MTUS2: variants seen among roughly 807,000 people sequenced by gnomAD.
MTUS2 encodes the protein microtubule-associated tumor suppressor candidate 2.
A neutral mutation model predicts 114.1 loss-of-function variants in MTUS2; 40 were observed. That is an observed-to-expected ratio of 0.35 (90% CI 0.27 to 0.46). The LOEUF (loss-of-function observed/expected upper bound fraction) is 0.46. MTUS2 is among the 20% of genes least tolerant of loss of function. The pLI is 1.00. For missense variants in MTUS2, 1,679 were observed against 1,705.4 expected (o/e 0.98, Z 0.27); for synonymous variants, 688 against 672.0 (o/e 1.02, Z -0.37).
chr13:29,104,336 T>C (rs1355394105), intron 5 of MTUS2, among the ~76,000 whole-genome samples: 1 of 152,206 alleles, frequency 6.6e-6, no homozygotes, highest in African/African-American at 2.4e-5. Flanking sequence ...CCTGGGCTGG[T>C]GTTCTTTCTA....
chr13:29,061,632 G>T (rs944884724), intron 4 of MTUS2, among the ~76,000 whole-genome samples: 21 of 152,240 alleles, frequency 1.4e-4, no homozygotes, highest in Admixed American at 9.8e-4. Flanking sequence ...ATGATGGACA[G>T]CTTCTATTTG....
chr13:29,339,396 G>T (rs185611569), intron 7 of MTUS2, among the ~76,000 whole-genome samples: 64 of 152,280 alleles, frequency 4.2e-4, no homozygotes, highest in African/African-American at 1.5e-3. Context: ...TGCTTGCTAC[G>T]CTTGGTGTCT....
intron 2 of MTUS2, among the ~76,000 whole-genome samples, chr13:28,855,853 T>A (rs1027223460): frequency 3.3e-5 from 5 of 152,220 alleles, no homozygotes; most frequent in Non-Finnish European, 5.9e-5. Context: ...CACCATCCTG[T>A]CTTCCACAAT....
At chr13:28,877,178 C>T (rs990234499) in intron 2 of MTUS2, among the ~76,000 whole-genome samples, 3 of 150,586 alleles carry the variant, frequency 2.0e-5, no homozygotes, top group Non-Finnish European at 4.4e-5. Flanking sequence ...ATTAGCTGGG[C>T]GTGGTGGCGG....
chr13:29,039,521 C>G (rs1887252984), intron 4 of MTUS2, among the ~76,000 whole-genome samples: 1 of 152,194 alleles, frequency 6.6e-6, no homozygotes, highest in African/African-American at 2.4e-5. Context: ...CGGGGAAGCT[C>G]AGGCTTCTAT....
Position 28,997,039 on chromosome 13 carries a change from T to C in MTUS2, c.-242-27418T>C, listed in dbSNP as rs551731831. ...TTTCTCTTGTGGGCATTTAATGCTA[T>C]AAATTTCCCTCCACACACTGCTTTG... On this transcript the variant is annotated intron_variant, in intron 2 of 15. Transcript: ENST00000612955. Among the ~76,000 whole-genome samples the C allele has an allele frequency of 3.5e-4, 53 of 152,368 alleles. 1 individual carries two copies. The highest frequency in any genetic ancestry group is 1.3e-3 in the African/African-American group (53 of 41,586).
At chr13:28,832,026 A>G (rs775371464) in intron 1 of MTUS2, among the ~76,000 whole-genome samples, 2 of 152,060 alleles carry the variant, frequency 1.3e-5, no homozygotes, top group Non-Finnish European at 2.9e-5. Flanking sequence ...AGCCTCCCCA[A>G]GTGCTAGGAT....
intron 4 of MTUS2, among the ~76,000 whole-genome samples, chr13:29,034,626 A>G (rs1886980556): frequency 6.6e-6 from 1 of 152,218 alleles, no homozygotes; most frequent in Admixed American, 6.5e-5. Flanking sequence ...GTTGCCACAT[A>G]GAGAAGTGCG....
chr13:29,307,096 A>G (rs1228777385), intron 6 of MTUS2: 4 of 480,430 alleles, frequency 8.3e-6, no homozygotes, highest in Admixed American at 7.0e-5. Flanking sequence ...CATCATGGAG[A>G]AGTCTGGGGC....
intron 2 of MTUS2, among the ~76,000 whole-genome samples, chr13:28,995,875 G>A (rs1362243462): frequency 6.6e-6 from 1 of 152,092 alleles, no homozygotes; most frequent in East Asian, 1.9e-4. Context: ...TTTCCTAATT[G>A]AATACCCTTT....
chr13:29,004,271 A>G (rs1593374879), intron 2 of MTUS2, among the ~76,000 whole-genome samples: 1 of 152,224 alleles, frequency 6.6e-6, no homozygotes, highest in South Asian at 2.1e-4. Flanking sequence ...ATCCATGTAA[A>G]TGTAATAAAT....
intron 2 of MTUS2, among the ~76,000 whole-genome samples, chr13:28,915,394 A>G (rs1403274992): frequency 6.6e-6 from 1 of 151,970 alleles, no homozygotes; most frequent in East Asian, 1.9e-4. Context: ...TAGAGGTTGT[A>G]CTAATTTACA....
chr13:29,019,431 A>G (rs1376389774), intron 2 of MTUS2, among the ~76,000 whole-genome samples: 1 of 152,362 alleles, frequency 6.6e-6, no homozygotes, highest in African/African-American at 2.4e-5. Context: ...CTTTTCCACG[A>G]TAGTATGGGA....
At chr13:29,053,735 C>G (rs1888006186) in intron 4 of MTUS2, among the ~76,000 whole-genome samples, 1 of 152,164 alleles carries the variant, frequency 6.6e-6, no homozygotes, top group Admixed American at 6.5e-5. Context: ...CATGTTATTA[C>G]ATGCATTTGT....
intron 2 of MTUS2, among the ~76,000 whole-genome samples, chr13:28,880,039 T>C (rs552635806): frequency 6.6e-6 from 1 of 152,330 alleles, no homozygotes; most frequent in African/African-American, 2.4e-5. Flanking sequence ...ACTGAAATAC[T>C]CCATTCACCA....
At chr13:29,129,666 T>G (rs991854574) in intron 5 of MTUS2, among the ~76,000 whole-genome samples, 3 of 152,204 alleles carry the variant, frequency 2.0e-5, no homozygotes, top group African/African-American at 7.2e-5. Context: ...TAAAGATGAC[T>G]TTTTATTTTA....
rs527715617 is a variant in MTUS2 at position 28,975,636 on chromosome 13, A to G, written c.-242-48821A>G. Reference sequence around the variant, plus strand: ...GGACATAATAACATCTGTTGAGTGCATTCCATTTGCCAGACACTGTTGCAA... The same window carrying G: ...GGACATAATAACATCTGTTGAGTGCGTTCCATTTGCCAGACACTGTTGCAA... On this transcript the variant is annotated intron_variant, in intron 2 of 15. Coordinates refer to ENST00000612955, the MANE Select transcript of MTUS2 (RefSeq NM_001033602.4). Among the ~76,000 whole-genome samples, 63 of 152,342 alleles carry G rather than the reference A, an allele frequency of 4.1e-4. No individual in the cohort carries two copies. In the South Asian group the frequency reaches 0.013, roughly 31 times the overall value.
intron 7 of MTUS2, among the ~76,000 whole-genome samples, chr13:29,339,369 G>T (rs1566140555): frequency 6.6e-6 from 1 of 152,162 alleles, no homozygotes; most frequent in African/African-American, 2.4e-5. Flanking sequence ...AAAGCTGATA[G>T]CCTGGGTGAT....
At chr13:28,990,603 A>T (rs1923515) in intron 2 of MTUS2, among the ~76,000 whole-genome samples, 11 of 32,546 alleles carry the variant, frequency 3.4e-4, no homozygotes, top group Admixed American at 5.4e-4. Context: ...ATCAGTGCTC[A>T]GTGTCTAGCT....
Sources: allele counts gnomAD v4.1 joint callset (sites outside exome capture counted in the v4.1 genomes callset), GRCh38; gene constraint gnomAD v4.1.1; transcripts MANE v1.5; gene names NCBI Gene and HGNC (gene_info 2026-07-23, HGNC 2026-07-21).